Variants in MGLL observed in about 807,000 individuals in gnomAD.
The protein encoded by MGLL is monoglyceride lipase, also known as lysophospholipase homolog.
In MGLL, 7 loss-of-function variants were observed where a neutral mutation model predicts 29.1. The observed-to-expected ratio is 0.24, with a 90% CI of 0.14 to 0.45. The LOEUF (loss-of-function observed/expected upper bound fraction) is 0.45. MGLL is among the 20% of genes least tolerant of loss of function. The pLI is 0.99. For synonymous variants in MGLL, 148 were observed against 168.3 expected (o/e 0.88, Z 0.93); for missense variants, 356 against 413.6 (o/e 0.86, Z 1.21).
intron 2 of MGLL, among the ~76,000 whole-genome samples, chr3:127,783,004 G>A (rs2077154234): frequency 2.0e-5 from 3 of 151,894 alleles, no homozygotes; most frequent in South Asian, 4.2e-4. Context: ...GTGAAACTCC[G>A]TCACTATAAA....
At chr3:127,741,762 A>G (rs868080993) in intron 3 of MGLL, among the ~76,000 whole-genome samples, 1 of 152,252 alleles carries the variant, frequency 6.6e-6, no homozygotes, top group South Asian at 2.1e-4. Flanking sequence ...TCGTGCAAGC[A>G]GGTCACTTTC....
At chr3:127,771,076 GCCCCAGAAGCCTGCTTAAAC>G (rs1317527171) in intron 3 of MGLL, among the ~76,000 whole-genome samples, 1 of 152,120 alleles carries the variant, frequency 6.6e-6, no homozygotes, top group Non-Finnish European at 1.5e-5. Context: ...CCCTGATTAG[GCCCCAGAAGCCTGCTTAAAC>G]CCCCATCTGC....
intron 2 of MGLL, among the ~76,000 whole-genome samples, chr3:127,782,684 T>C (rs2077148069): frequency 1.3e-5 from 2 of 152,196 alleles, no homozygotes; most frequent in South Asian, 4.1e-4. Flanking sequence ...TAGAGTCTCC[T>C]TCAGGCACGG....
intron 3 of MGLL, among the ~76,000 whole-genome samples, chr3:127,724,657 C>G (rs926101666): frequency 6.6e-6 from 1 of 152,158 alleles, no homozygotes; most frequent in Non-Finnish European, 1.5e-5. Flanking sequence ...TGTGGAACAT[C>G]TCTCTGGATG....
intron 3 of MGLL, among the ~76,000 whole-genome samples, chr3:127,740,617 C>T (rs2076322730): frequency 6.6e-6 from 1 of 152,180 alleles, no homozygotes; most frequent in South Asian, 2.1e-4. Flanking sequence ...GTAGGGGGTA[C>T]ACCCCAAGGG....
chr3:127,714,861 C>T (rs556125), intron 5 of MGLL, among the ~76,000 whole-genome samples: 5,306 of 152,300 alleles, frequency 0.035, 225 homozygotes, highest in African/African-American at 0.097. Context: ...AACTCCCTGT[C>T]TTCCCAGGAA....
intron 3 of MGLL, among the ~76,000 whole-genome samples, chr3:127,755,069 C>T (rs57911005): frequency 6.6e-6 from 1 of 152,228 alleles, no homozygotes; most frequent in East Asian, 1.9e-4. Flanking sequence ...TGTGGCATCC[C>T]CGGGGGAAAG....
intron 1 of MGLL, 82 bp downstream of exon 1, chr3:127,822,227 C>T: frequency 6.8e-7 from 1 of 1,476,222 alleles, no homozygotes; most frequent in Non-Finnish European, 9.5e-7. Flanking sequence ...CTCCAAGGAA[C>T]AGTTTCAAGT....
chr3:127,804,201 C>T (rs1391563356), intron 2 of MGLL, among the ~76,000 whole-genome samples: 1 of 152,200 alleles, frequency 6.6e-6, no homozygotes, highest in African/African-American at 2.4e-5. Context: ...AATTACCACC[C>T]GGAATGCAAG....
In MGLL at chr3:127,822,473, C is replaced by T; in HGVS notation, c.-155G>A. 1 of 761,678 alleles carries T rather than the reference C, an allele frequency of 1.3e-6. No homozygotes were observed. Among genetic ancestry groups the T allele is most frequent in the South Asian group, 1.6e-5 (1 of 63,578 alleles). The allele number at this position is 761,678 out of a possible 1,614,324, so 47.2% of individuals were successfully genotyped here. A position where few individuals can be genotyped will look rare whatever the true frequency, so the allele number is the denominator to read the frequency against. ...AGACCCTGCCTTTCGGGCTGGGGCGCTCAGCCGGGAGCCTGCTTCCAGCTC... is the reference window on the plus strand; with the variant it reads ...AGACCCTGCCTTTCGGGCTGGGGCGTTCAGCCGGGAGCCTGCTTCCAGCTC... On this transcript the variant is annotated 5_prime_UTR_variant, in exon 1 of 8. Transcript: ENST00000265052.
chr3:127,807,750 C>CTTTTTTTT (rs35444871), intron 2 of MGLL, among the ~76,000 whole-genome samples: 2 of 59,472 alleles, frequency 3.4e-5, no homozygotes, highest in African/African-American at 7.0e-5. Flanking sequence ...TGTGAAAAGT[C>CTTTTTTTT]TTTTTTTTTT....
intron 2 of MGLL, among the ~76,000 whole-genome samples, chr3:127,784,857 C>T (rs1469058354): frequency 5.3e-5 from 8 of 152,152 alleles, no homozygotes; most frequent in Admixed American, 4.6e-4. Context: ...TCCAGCAAAG[C>T]GAAATCAAAT....
rs1001043687 is a variant in MGLL, at chr3:127,699,958, G to A, written c.601-4768C>T. On this transcript the variant is annotated intron_variant, in intron 6 of 7. Transcript: ENST00000265052. ...ATACAACCCAGCAGGCTTCATCCCT[G>A]TAGATCTGTCCACAGCTGGCTCTTC... Among the ~76,000 whole-genome samples, 7 of 152,196 alleles carry A rather than the reference G, an allele frequency of 4.6e-5. No homozygotes were observed. In the South Asian group the frequency reaches 6.2e-4, roughly 14 times the overall value.
intron 3 of MGLL, among the ~76,000 whole-genome samples, chr3:127,754,678 G>A (rs1306731603): frequency 6.6e-6 from 1 of 152,202 alleles, no homozygotes; most frequent in African/African-American, 2.4e-5. Flanking sequence ...CTGAGGCTGG[G>A]TCGGGCAGGA....
chr3:127,774,904 T>C (rs1199456555), intron 3 of MGLL, among the ~76,000 whole-genome samples: 1 of 152,142 alleles, frequency 6.6e-6, no homozygotes, highest in Admixed American at 6.5e-5. Context: ...AGCAACCTTG[T>C]TATTATCATG....
In MGLL at chr3:127,759,886, C is replaced by T. The variant is rs575403386; in HGVS notation, c.262+21903G>A. ...TTTTTCCAATCTGGTGGCGTCTGTACAATAACTGAGGAGAGAAATAATTAT... is the reference window on the plus strand; with the variant it reads ...TTTTTCCAATCTGGTGGCGTCTGTATAATAACTGAGGAGAGAAATAATTAT... On this transcript the variant is annotated intron_variant, in intron 3 of 7. Transcript: ENST00000265052. 9.8e-4 allele frequency among the ~76,000 whole-genome samples: 149 copies of T among 152,336 alleles called. 2 individuals are homozygous for T. The highest frequency in any genetic ancestry group is 9.5e-3 in the South Asian group (46 of 4,826).
chr3:127,781,854 C>A lies in MGLL; in HGVS notation c.197G>T (p.Gly66Val), dbSNP rs868403716. 1 of 1,614,128 alleles carries A rather than the reference C, an allele frequency of 6.2e-7. No individual in the cohort carries two copies. ...CATCCGAGCCAGCTCTTCATAGCGG[C>A]CACTGTGCTCTCCGGCTCCATGGGA... ...FVSHGAGEHSGRYEELARMLM... is the reference protein window; with the variant it reads ...FVSHGAGEHSVRYEELARMLM... Residue 66 changes from glycine to valine, a missense_variant, in exon 3 of 8, where the codon GGC becomes GTC. Physicochemically the swap from Gly to Val is moderately radical, Grantham distance 109. Coordinates refer to ENST00000265052, the MANE Select transcript of MGLL (RefSeq NM_007283.7).
intron 3 of MGLL, chr3:127,736,497 C>T: frequency 6.8e-6 from 2 of 295,582 alleles, no homozygotes; most frequent in Non-Finnish European, 1.0e-5. Context: ...CATCCCTGCC[C>T]AGGCAGGGCT....
chr3:127,739,664 C>T (rs1216641952), intron 3 of MGLL, among the ~76,000 whole-genome samples: 1 of 152,204 alleles, frequency 6.6e-6, no homozygotes, highest in African/African-American at 2.4e-5. Context: ...GATTATACTG[C>T]AAACCGGCCA....
Sources: allele counts gnomAD v4.1 joint callset (sites outside exome capture counted in the v4.1 genomes callset), GRCh38; gene constraint gnomAD v4.1.1; transcripts MANE v1.5; gene names NCBI Gene and HGNC (gene_info 2026-07-23, HGNC 2026-07-21).